Variants in CDC40 observed in about 807,000 individuals in gnomAD.
CDC40 encodes pre-mRNA-processing factor 17.
A neutral mutation model predicts 80.6 loss-of-function variants in CDC40; 27 were observed. The observed-to-expected ratio is 0.33, with a 90% CI of 0.25 to 0.46. CDC40 has a LOEUF of 0.46. Ranked by LOEUF, CDC40 falls within the 20% of genes least tolerant of loss-of-function variation. CDC40 has a pLI of 1.00. For missense variants in CDC40, 486 were observed against 694.1 expected (o/e 0.70, Z 3.37); for synonymous variants, 221 against 232.6 (o/e 0.95, Z 0.45).
chr6:110,197,853 T>A (rs1313914522), intron 2 of CDC40, among the ~76,000 whole-genome samples: 8 of 152,220 alleles, frequency 5.3e-5, no homozygotes, highest in Admixed American at 5.2e-4. Flanking sequence ...TTAGGTTGAT[T>A]CGTGGGAATA....
At chr6:110,206,415 C>G (rs1389518513) in intron 3 of CDC40, among the ~76,000 whole-genome samples, 1 of 152,220 alleles carries the variant, frequency 6.6e-6, no homozygotes, top group African/African-American at 2.4e-5. Flanking sequence ...ATTTAGCACT[C>G]TTGTGAATAT....
intron 13 of CDC40, 126 bp downstream of exon 13, chr6:110,226,369 G>A (rs886160722): frequency 2.1e-5 from 11 of 515,786 alleles, no homozygotes; most frequent in Non-Finnish European, 2.7e-5. Flanking sequence ...TTTGTATAAG[G>A]TAATCTTTAC....
chr6:110,193,772 C>T (rs977974677), intron 2 of CDC40, among the ~76,000 whole-genome samples: 12 of 152,114 alleles, frequency 7.9e-5, no homozygotes, highest in Non-Finnish European at 1.5e-4. Context: ...TTTAAAAATC[C>T]ACTAGCTGCT....
chr6:110,231,712 T>C lies in CDC40; in HGVS notation c.*1581T>C, dbSNP rs1777940629. On this transcript the variant is annotated 3_prime_UTR_variant, in exon 15 of 15. Coordinates refer to ENST00000307731, the MANE Select transcript of CDC40 (RefSeq NM_015891.3). The stretch of plus-strand genomic sequence containing the variant: ...TCTCTTGCTGATAACCTAAGAGCAT[T>C]AAGCTCTGAGTCCAGTGAGGTCATA... 1 of 151,836 alleles carries C rather than the reference T, an allele frequency of 6.6e-6. No individual in the cohort carries two copies. Among genetic ancestry groups the C allele is most frequent in the South Asian group, 2.1e-4 (1 of 4,798 alleles). 9.4% of individuals were successfully genotyped at this position (151,836 alleles called of 1,614,324 possible).
chr6:110,197,394 A>G (rs1222982912), intron 2 of CDC40, among the ~76,000 whole-genome samples: 33 of 152,228 alleles, frequency 2.2e-4, no homozygotes, highest in Admixed American at 1.3e-4. Context: ...AAATCAAGCT[A>G]ATTAACATAT....
At chr6:110,190,169 A>G (rs1202590299) in intron 1 of CDC40, among the ~76,000 whole-genome samples, 1 of 152,254 alleles carries the variant, frequency 6.6e-6, no homozygotes, top group Non-Finnish European at 1.5e-5. Context: ...TTTTAGGACC[A>G]CAAACAAAAA....
intron 2 of CDC40, among the ~76,000 whole-genome samples, chr6:110,200,708 A>G (rs1006759288): frequency 2.0e-5 from 3 of 152,220 alleles, no homozygotes; most frequent in African/African-American, 7.2e-5. Context: ...GGTTCTGCCA[A>G]TTAATAAAAC....
chr6:110,228,743 A>T, intron 13 of CDC40, 89 bp from the exon 14 acceptor site: 1 of 992,966 alleles, frequency 1.0e-6, no homozygotes, highest in Non-Finnish European at 1.4e-6. Context: ...AGCAAAACTT[A>T]TATTAATCAC....
intron 2 of CDC40, among the ~76,000 whole-genome samples, chr6:110,200,097 A>G (rs1171683779): frequency 2.6e-5 from 4 of 152,212 alleles, no homozygotes; most frequent in Non-Finnish European, 5.9e-5. Context: ...GTCTTGCACT[A>G]TCCATTATAA....
chr6:110,202,119 G>A (rs1777500635), intron 3 of CDC40, among the ~76,000 whole-genome samples: 1 of 152,082 alleles, frequency 6.6e-6, no homozygotes, highest in Non-Finnish European at 1.5e-5. Context: ...ATCACTGAAG[G>A]GTATCAGGAA....
At chr6:110,204,659 CTTT>C (rs55895216) in intron 3 of CDC40, among the ~76,000 whole-genome samples, 10 of 119,294 alleles carry the variant, frequency 8.4e-5, no homozygotes, top group African/African-American at 1.3e-4. Flanking sequence ...TCCTATTTCT[CTTT>C]TTTTTTTTTT....
chr6:110,184,466 A>G (rs542286887), intron 1 of CDC40, among the ~76,000 whole-genome samples: 8 of 133,746 alleles, frequency 6.0e-5, no homozygotes, highest in East Asian at 2.3e-4. Flanking sequence ...TTCTCGGTGG[A>G]TCTTATTTTT....
intron 14 of CDC40, 47 bp from the exon 15 acceptor site, chr6:110,229,907 A>G (rs1777914023): frequency 7.5e-7 from 1 of 1,324,942 alleles, no homozygotes; most frequent in South Asian, 1.2e-5. Flanking sequence ...CGCCTTACCA[A>G]TTTAAGGTAT....
At chr6:110,223,503 C>G (rs899584242) in intron 12 of CDC40, among the ~76,000 whole-genome samples, 3 of 152,174 alleles carry the variant, frequency 2.0e-5, no homozygotes, top group African/African-American at 7.2e-5. Context: ...CGGAACTGTG[C>G]TTCACTGCAT....
chr6:110,182,687 C>G (rs958109940), intron 1 of CDC40, among the ~76,000 whole-genome samples: 8 of 152,044 alleles, frequency 5.3e-5, no homozygotes, highest in African/African-American at 1.9e-4. Context: ...TCTCTTTCAG[C>G]CTTTTTGGGT....
At chr6:110,198,768 G>T (rs959443226) in intron 2 of CDC40, among the ~76,000 whole-genome samples, 2 of 152,118 alleles carry the variant, frequency 1.3e-5, no homozygotes, top group African/African-American at 4.8e-5. Context: ...TTTATGTTAT[G>T]TATTTACTTA....
chr6:110,189,764 A>G (rs554588361), intron 1 of CDC40, among the ~76,000 whole-genome samples: 1 of 152,294 alleles, frequency 6.6e-6, no homozygotes, highest in South Asian at 2.1e-4. Flanking sequence ...GGAAGAAGAA[A>G]AACTTGACCC....
At chr6:110,209,296 A>G in intron 5 of CDC40, 73 bp downstream of exon 5, 1 of 1,365,506 alleles carries the variant, frequency 7.3e-7, no homozygotes. Flanking sequence ...ACATTAATAA[A>G]CTTGAGATTT....
At chr6:110,186,782 A>AT (rs1240252742) in intron 1 of CDC40, among the ~76,000 whole-genome samples, 1 of 144,292 alleles carries the variant, frequency 6.9e-6, no homozygotes, top group Non-Finnish European at 1.5e-5. Flanking sequence ...ATTTCTTTTT[A>AT]TTTTTTCTGT....
Sources: gnomAD v4.1 joint callset for allele counts (sites outside exome capture counted in the v4.1 genomes callset) on GRCh38, gnomAD v4.1.1 for gene constraint, MANE v1.5 for transcripts, NCBI Gene and HGNC (gene_info 2026-07-23, HGNC 2026-07-21) for gene names.